FURIN: variants seen among roughly 807,000 people sequenced by gnomAD.
FURIN encodes furin, paired basic amino acid cleaving enzyme, also known as FES upstream region.
FURIN carries 18 observed loss-of-function variants against 89.2 expected under a neutral mutation model. The observed-to-expected ratio is 0.20, with a 90% CI of 0.14 to 0.30. The LOEUF is 0.30. Among genes scored for constraint, FURIN ranks in the 10% least tolerant of loss-of-function variants. FURIN has a pLI of 1.00. For synonymous variants in FURIN, 508 were observed against 466.4 expected (o/e 1.09, Z -1.15); for missense variants, 879 against 1,100.5 (o/e 0.80, Z 2.85).
intron 1 of FURIN, chr15:90,871,675 AGCCGGCCGGGCCGGGC>A (rs1301074641): frequency 6.9e-6 from 1 of 144,886 alleles, no homozygotes; most frequent in Non-Finnish European, 1.5e-5. Flanking sequence ...GCCCGAGGGG[AGCCGGCCGGGCCGGGC>A]CGTGGAGCTC....
rs1252469556 is a variant in FURIN, at chr15:90,871,879, C to G, written c.-160+3168C>G. On this transcript the variant is annotated intron_variant, in intron 1 of 15. Transcript: ENST00000268171. ...CGGGAGCAGACAGGGCGCTCCGCAG[C>G]CCACCTGAGCGCGCCGGGCCCGTCT... 2.7e-5 allele frequency among the ~76,000 whole-genome samples: 4 copies of G among 150,642 alleles called. No homozygotes were observed. In the East Asian group the frequency reaches 6.0e-4, roughly 23 times the overall value.
In FURIN at chr15:90,877,539, G is replaced by A; in HGVS notation, c.591G>A (p.Arg197=). ...TQMNDNRHGT[R]CAGEVAAVAN... ...TTGGCCCTGGCAGGCACGGCACACG[G>A]TGTGCGGGGGAAGTGGCTGCGGTGG... The change falls in exon 7 of 16, where the codon CGG becomes CGA. Residue 197 remains arginine, a synonymous_variant. Transcript: ENST00000268171. 2 of 1,575,710 alleles carry A rather than the reference G, an allele frequency of 1.3e-6. No homozygotes were observed. Among genetic ancestry groups the A allele is most frequent in the South Asian group, 2.3e-5 (2 of 85,776 alleles).
Position 90,882,035 on chromosome 15 carries a change from C to A in FURIN, c.*157C>A. The A allele has an allele frequency of 1.6e-6, 1 of 620,692 alleles. No individual in the cohort carries two copies. Among genetic ancestry groups the A allele is most frequent in the Non-Finnish European group, 2.9e-6 (1 of 349,426 alleles). The allele number at this position is 620,692 out of a possible 1,614,324, so 38.4% of individuals were successfully genotyped here. On this transcript the variant is annotated 3_prime_UTR_variant, in exon 16 of 16. Transcript: ENST00000268171. ...CCTACCCTCGGGCCCACCTGGCCAC[C>A]TGAGGTGGGCCCAGGACCAGCTGGG...
Position 90,881,226 on chromosome 15 carries a change from G to T in FURIN, c.1793-60G>T. 1 of 1,367,696 alleles carries T rather than the reference G, an allele frequency of 7.3e-7. No individual in the cohort carries two copies. The allele number at this position is 1,367,696 out of a possible 1,614,324, so 84.7% of individuals were successfully genotyped here. A position where few individuals can be genotyped will look rare whatever the true frequency, so the allele number is the denominator to read the frequency against. ...TGGTGACTTGGCTTGGGGCTGCTGT[G>T]GTCCTGGGGCTACAGTCTGTTTAGC... On this transcript the variant is annotated intron_variant, in intron 15 of 15. Transcript: ENST00000268171. This position sits in a 1 kb window ranked among gnomAD's most constrained non-coding sequence, Gnocchi z 4.3.
chr15:90,870,264 T>C (rs1352955360), intron 1 of FURIN, among the ~76,000 whole-genome samples: 1 of 152,196 alleles, frequency 6.6e-6, no homozygotes, highest in Non-Finnish European at 1.5e-5. Context: ...TGCTGATTGA[T>C]TTTTCACCAG....
chr15:90,871,086 G>A lies in FURIN; in HGVS notation c.-160+2375G>A, dbSNP rs1028294578. Among the ~76,000 whole-genome samples, 7 of 152,336 alleles carry A rather than the reference G, an allele frequency of 4.6e-5. No homozygotes were observed. The South Asian group carries it at 1.4e-3, about 32-fold the overall frequency. ...CCAAGAGGAGGCTGGTCCTGCCGCC[G>A]TGCAGTCCTCCCTCGACCTGGGAGT... On this transcript the variant is annotated intron_variant, in intron 1 of 15. Transcript: ENST00000268171.
At chr15:90,879,349 G>A in intron 9 of FURIN, 95 bp from the exon 10 acceptor site, 1 of 918,642 alleles carries the variant, frequency 1.1e-6, no homozygotes, top group Non-Finnish European at 1.8e-6. Context: ...ACCATCTGTG[G>A]TGCCCAGGGC....
chr15:90,875,256 A>G (rs2031546256), intron 1 of FURIN, among the ~76,000 whole-genome samples: 1 of 152,114 alleles, frequency 6.6e-6, no homozygotes, highest in South Asian at 2.1e-4. Flanking sequence ...GCTGGCCTCG[A>G]ACTCCTGACC....
intron 6 of FURIN, 69 bp from the exon 7 acceptor site, chr15:90,877,458 T>G: frequency 7.8e-7 from 1 of 1,285,732 alleles, no homozygotes. Flanking sequence ...CTCGTGCTCC[T>G]CAGGCCACAT....
At chr15:90,871,676 G>T (rs1233331504) in intron 1 of FURIN, 1 of 149,086 alleles carries the variant, frequency 6.7e-6, no homozygotes, top group Non-Finnish European at 1.5e-5. Context: ...CCCGAGGGGA[G>T]CCGGCCGGGC....
At position 90,882,251 on chromosome 15, in the gene FURIN, A is replaced by C; in HGVS notation, c.*373A>C. ...CCTTCCCTGTCCCTCTAAAGCAATA[A>C]TGGTCCCATCCAGGCAGTCGGGGGC... On this transcript the variant is annotated 3_prime_UTR_variant, in exon 16 of 16. Transcript: ENST00000268171. The C allele has an allele frequency of 4.1e-6, 1 of 244,704 alleles. No homozygotes were observed. The allele number at this position is 244,704 out of a possible 1,614,324, so 15.2% of individuals were successfully genotyped here. A position where few individuals can be genotyped will look rare whatever the true frequency, so the allele number is the denominator to read the frequency against.
chr15:90,875,705 A>T lies in FURIN; in HGVS notation c.-36A>T, dbSNP rs1189978275. On this transcript the variant is annotated 5_prime_UTR_variant, in exon 2 of 16. Coordinates refer to ENST00000268171, the MANE Select transcript of FURIN (RefSeq NM_002569.4). ...GAGGCCCTGTGACCAGGCCAAGGAG[A>T]CGGGCGCTCCAGGGTCCCAGCCACC... 1 of 1,495,196 alleles carries T rather than the reference A, an allele frequency of 6.7e-7. No individual in the cohort carries two copies. Among genetic ancestry groups the T allele is most frequent in the African/African-American group, 1.4e-5 (1 of 71,818 alleles). 92.6% of individuals were successfully genotyped at this position (1,495,196 alleles called of 1,614,324 possible).
Position 90,876,005 on chromosome 15 carries a change from C to A in FURIN, c.177+88C>A. The A allele has an allele frequency of 8.4e-7, 1 of 1,187,822 alleles. No individual in the cohort carries two copies. Among genetic ancestry groups the A allele is most frequent in the Non-Finnish European group, 1.2e-6 (1 of 854,736 alleles). The allele number at this position is 1,187,822 out of a possible 1,614,324, so 73.6% of individuals were successfully genotyped here. A position where few individuals can be genotyped will look rare whatever the true frequency, so the allele number is the denominator to read the frequency against. ...GCAGGAGCTGTTGGCCTTGTTTGCT[C>A]AGGGGCATCTGGGTAGCCGGCATGT... On this transcript the variant is annotated intron_variant, in intron 2 of 15. Coordinates refer to ENST00000268171, the MANE Select transcript of FURIN (RefSeq NM_002569.4). This position sits in a 1 kb window ranked among gnomAD's most constrained non-coding sequence, Gnocchi z 5.0.
At chr15:90,868,960 G>A (rs1013596652) in intron 1 of FURIN, among the ~76,000 whole-genome samples, 2 of 152,174 alleles carry the variant, frequency 1.3e-5, no homozygotes, top group African/African-American at 4.8e-5. Flanking sequence ...TATTTGCTGT[G>A]CCTGAGGTGG....
Position 90,878,860 on chromosome 15 carries a change from TAC to T in FURIN, c.940_941del (p.Thr314AlafsTer34). ...CTGCGACGGCTACACCAACAGTATC[TAC>T]ACGCTGTCCATCAGCAGCGCCACGC... Reference protein sequence around the residue: ...CNCDGYTNSIYTLSISSATQF... With the variant: ...CNCDGYTNSIXTLSISSATQF... On this transcript the variant is annotated frameshift_variant, in exon 9 of 16. Transcript: ENST00000268171. LOFTEE classifies it high-confidence loss of function. The T allele has an allele frequency of 6.2e-7, 1 of 1,612,876 alleles. No homozygotes were observed. Among genetic ancestry groups the T allele is most frequent in the Non-Finnish European group, 8.5e-7 (1 of 1,179,426 alleles).
intron 1 of FURIN, among the ~76,000 whole-genome samples, chr15:90,874,062 G>A (rs188583706): frequency 5.3e-5 from 8 of 152,300 alleles, no homozygotes; most frequent in African/African-American, 1.9e-4. Context: ...AAGTGCTAAG[G>A]GCATCCAGGG....
Position 90,878,126 on chromosome 15 carries a change from G to A in FURIN, c.668-6G>A. On this transcript the variant is annotated splice_polypyrimidine_tract_variant and splice_region_variant and intron_variant, in intron 7 of 15. Transcript: ENST00000268171. ...ATCCCTCTTCGTGCCCCCCCTTCAC[G>A]GCCAGGGGTGCGCATGCTGGATGGC... The A allele has an allele frequency of 6.2e-7, 1 of 1,613,618 alleles. No individual in the cohort carries two copies. The highest frequency in any genetic ancestry group is 8.5e-7 in the Non-Finnish European group (1 of 1,179,986).
chr15:90,876,470 G>T lies in FURIN; in HGVS notation c.285G>T (p.Trp95Cys). 1 of 1,613,056 alleles carries T rather than the reference G, an allele frequency of 6.2e-7. No individual in the cohort carries two copies. The highest frequency in any genetic ancestry group is 8.5e-7 in the Non-Finnish European group (1 of 1,179,084). ...CCCTCACTCCCCCACAGGTACAGTG[G>T]CTGGAACAGCAGGTGGCAAAGCGAC... The part of the protein sequence containing the change: ...SRLQREPQVQ[W>C]LEQQVAKRRT... The change falls in exon 4 of 16, where the codon TGG becomes TGT. Residue 95 changes from tryptophan to cysteine, a missense_variant. Physicochemically the swap from Trp to Cys is radical, Grantham distance 215. Coordinates refer to ENST00000268171, the MANE Select transcript of FURIN (RefSeq NM_002569.4). The surrounding 1 kb of genome is among the most constrained non-coding windows in gnomAD (Gnocchi z 5.0).
intron 6 of FURIN, 58 bp from the exon 7 acceptor site, chr15:90,877,469 C>A: frequency 1.5e-6 from 2 of 1,376,302 alleles, no homozygotes; most frequent in Non-Finnish European, 2.0e-6. Flanking sequence ...CAGGCCACAT[C>A]TGCCGGGCCC....
Sources: allele counts gnomAD v4.1 joint callset (sites outside exome capture counted in the v4.1 genomes callset), GRCh38; gene constraint gnomAD v4.1.1; non-coding constraint Gnocchi (gnomAD v3.1); transcripts MANE v1.5; gene names NCBI Gene and HGNC (gene_info 2026-07-23, HGNC 2026-07-21).